Variants in LEF1 observed in about 807,000 individuals in gnomAD.
LEF1 encodes lymphoid enhancer-binding factor 1.
Under a neutral mutation model 51.2 loss-of-function variants are expected in LEF1, and 14 were observed. That is an observed-to-expected ratio of 0.27 (90% confidence interval 0.18 to 0.43). LEF1 has a LOEUF of 0.43. Ranked by LOEUF, LEF1 falls within the 20% of genes least tolerant of loss-of-function variation. LEF1 has a pLI of 1.00. For missense variants in LEF1, 386 were observed against 512.0 expected, an observed-to-expected ratio of 0.75 and a Z score of 2.37; for synonymous variants, 185 against 183.2, an observed-to-expected ratio of 1.01 and a Z score of -0.08.
intron 3 of LEF1, among the ~76,000 whole-genome samples, chr4:108,122,574 C>A (rs1742245699): frequency 6.6e-6 from 1 of 152,142 alleles, no homozygotes; most frequent in Non-Finnish European, 1.5e-5. Context: ...ACCTCTTGGG[C>A]TCAAGTGATC....
At chr4:108,057,855 C>T in intron 11 of LEF1, among the ~76,000 whole-genome samples, 1 of 151,890 alleles carries the variant, frequency 6.6e-6, no homozygotes, top group Non-Finnish European at 1.5e-5. Flanking sequence ...TGTGTTTAAG[C>T]AGATGATTTT....
chr4:108,129,840 T>C (rs953704653), intron 3 of LEF1, among the ~76,000 whole-genome samples: 1 of 152,156 alleles, frequency 6.6e-6, no homozygotes, highest in Non-Finnish European at 1.5e-5. Flanking sequence ...TTTGGGTACT[T>C]AGTAGGGTAT....
intron 1 of LEF1, among the ~76,000 whole-genome samples, chr4:108,165,864 G>A (rs1442164097): frequency 6.6e-6 from 1 of 152,096 alleles, no homozygotes; most frequent in Non-Finnish European, 1.5e-5. Context: ...GCAAATCAGT[G>A]GTATTACTCC....
At chr4:108,095,373 G>C (rs1301185758) in intron 3 of LEF1, among the ~76,000 whole-genome samples, 2 of 152,212 alleles carry the variant, frequency 1.3e-5, no homozygotes, top group Non-Finnish European at 2.9e-5. Context: ...CATATTTATA[G>C]ATGAGAAGGC....
At chr4:108,088,147 T>A (rs913958117) in intron 4 of LEF1, among the ~76,000 whole-genome samples, 5 of 152,312 alleles carry the variant, frequency 3.3e-5, no homozygotes, top group Admixed American at 1.3e-4. Context: ...AAGCGTTAAG[T>A]ATTTAACCTA....
chr4:108,091,302 T>C (rs1193540993), intron 3 of LEF1, among the ~76,000 whole-genome samples: 2 of 152,096 alleles, frequency 1.3e-5, no homozygotes, highest in African/African-American at 2.4e-5. Context: ...TAATATTTTT[T>C]ACAAATTAGC....
At chr4:108,149,461 A>AAAAACAAAAAC (rs1271379075) in intron 3 of LEF1, among the ~76,000 whole-genome samples, 2 of 147,338 alleles carry the variant, frequency 1.4e-5, no homozygotes, top group Admixed American at 6.7e-5. Context: ...TCCGTCTCAA[A>AAAAACAAAAAC]AAAAAAAAAA....
chr4:108,071,103 C>T (rs957750093), intron 8 of LEF1, among the ~76,000 whole-genome samples: 3 of 152,208 alleles, frequency 2.0e-5, no homozygotes, highest in Admixed American at 6.5e-5. Context: ...AACCTCAACA[C>T]CCAACTTCAC....
At chr4:108,061,642 C>CA (rs11285438) in intron 11 of LEF1, among the ~76,000 whole-genome samples, 33 of 144,084 alleles carry the variant, frequency 2.3e-4, no homozygotes, top group African/African-American at 7.5e-4. Context: ...TTTTTTTTTT[C>CA]AAAAAAAAAA....
intron 3 of LEF1, among the ~76,000 whole-genome samples, chr4:108,159,450 T>C (rs1352469040): frequency 6.6e-6 from 1 of 152,238 alleles, no homozygotes; most frequent in East Asian, 1.9e-4. Context: ...TCAAATTCAA[T>C]AGCTTCTTGC....
At chr4:108,114,256 T>G (rs183649012) in intron 3 of LEF1, among the ~76,000 whole-genome samples, 1 of 152,162 alleles carries the variant, frequency 6.6e-6, no homozygotes, top group Non-Finnish European at 1.5e-5. Context: ...CAAACTAATT[T>G]AAAAAGTATT....
chr4:108,083,261 A>T, intron 5 of LEF1, 95 bp downstream of exon 5: 2 of 867,538 alleles, frequency 2.3e-6, no homozygotes, highest in Non-Finnish European at 4.0e-6. Flanking sequence ...CTTCAACTCC[A>T]CAAGTGTTAC....
intron 11 of LEF1, among the ~76,000 whole-genome samples, chr4:108,053,432 T>A (rs1341334093): frequency 9.2e-5 from 14 of 152,160 alleles, no homozygotes; most frequent in Non-Finnish European, 2.9e-5. Flanking sequence ...ACCACAAAGC[T>A]CTAAAGCAAA....
intron 3 of LEF1, among the ~76,000 whole-genome samples, chr4:108,127,292 C>T (rs1178246105): frequency 6.6e-6 from 1 of 152,144 alleles, no homozygotes; most frequent in African/African-American, 2.4e-5. Context: ...TGTCAAAACC[C>T]TTTAATCTAG....
chr4:108,054,737 T>C (rs934253403), intron 11 of LEF1, among the ~76,000 whole-genome samples: 1 of 152,184 alleles, frequency 6.6e-6, no homozygotes, highest in Non-Finnish European at 1.5e-5. Flanking sequence ...TCTAAAAGCA[T>C]GATGCTAGCT....
At chr4:108,159,938 AC>A in intron 3 of LEF1, among the ~76,000 whole-genome samples, 1 of 152,318 alleles carries the variant, frequency 6.6e-6, no homozygotes, top group African/African-American at 2.4e-5. Context: ...ATCACAAAGA[AC>A]CAAAAACAAT....
intron 11 of LEF1, among the ~76,000 whole-genome samples, chr4:108,050,023 C>T (rs537555287): frequency 4.3e-4 from 66 of 152,256 alleles, no homozygotes; most frequent in African/African-American, 1.6e-3. Flanking sequence ...ATTATTATTC[C>T]AATTATGCCC....
chr4:108,157,409 G>T (rs769025573), intron 3 of LEF1, among the ~76,000 whole-genome samples: 2 of 152,166 alleles, frequency 1.3e-5, no homozygotes, highest in South Asian at 4.2e-4. Flanking sequence ...GGTCAGGCTG[G>T]TCTCAAACTC....
chr4:108,064,687 ACACACAATG>A (rs1357040073), intron 9 of LEF1, among the ~76,000 whole-genome samples: 8 of 18,398 alleles, frequency 4.3e-4, no homozygotes, highest in Non-Finnish European at 2.5e-3. Context: ...ACACACACAC[ACACACAATG>A]ATGTCTTAGA....
Sources: allele counts gnomAD v4.1 joint callset (sites outside exome capture counted in the v4.1 genomes callset), GRCh38; gene constraint gnomAD v4.1.1; transcripts MANE v1.5; gene names NCBI Gene and HGNC (gene_info 2026-07-23, HGNC 2026-07-21).